Variants in SAR1B observed in about 807,000 individuals in gnomAD.
The protein encoded by SAR1B is small COPII coat GTPase SAR1B.
SAR1B carries 23 observed loss-of-function variants against 26.8 expected under a neutral mutation model. That is an observed-to-expected ratio of 0.86 (90% CI 0.62 to 1.22). SAR1B has a LOEUF of 1.22. Among genes scored for constraint, SAR1B ranks in the 50% most tolerant of loss-of-function variants. The pLI is 0.00. For missense variants in SAR1B, 196 were observed against 232.8 expected, an observed-to-expected ratio of 0.84 and a Z score of 1.03; for synonymous variants, 65 against 80.8, an observed-to-expected ratio of 0.80 and a Z score of 1.05.
At chr5:134,627,255 G>T (rs1046823712) in intron 1 of SAR1B, among the ~76,000 whole-genome samples, 1 of 151,760 alleles carries the variant, frequency 6.6e-6, no homozygotes, top group Non-Finnish European at 1.5e-5. Flanking sequence ...GTTTCACCAT[G>T]TTAGCCAGGA....
At position 134,609,733 on chromosome 5, in the gene SAR1B, A is replaced by T. The variant is rs190187723; in HGVS notation, c.245-59T>A. Reference sequence around the variant, plus strand: ...GTTGGTCAAACCCAGCAGATGGTTTAAGCAAAGAGTCCAACCAGATATCAA... The same window carrying T: ...GTTGGTCAAACCCAGCAGATGGTTTTAGCAAAGAGTCCAACCAGATATCAA... On this transcript the variant is annotated intron_variant, in intron 4 of 6. Coordinates refer to ENST00000402673, the MANE Select transcript of SAR1B (RefSeq NM_016103.4). 3.1e-4 allele frequency: 412 copies of T among 1,310,160 alleles called. 2 individuals carry two copies. In the African/African-American group the frequency reaches 4.5e-3, roughly 14 times the overall value. The allele number at this position is 1,310,160 out of a possible 1,614,324, so 81.2% of individuals were successfully genotyped here. A position where few individuals can be genotyped will look rare whatever the true frequency, so the allele number is the denominator to read the frequency against.
At chr5:134,623,501 AATT>A (rs1765447543) in intron 2 of SAR1B, among the ~76,000 whole-genome samples, 1 of 40,890 alleles carries the variant, frequency 2.4e-5, no homozygotes, top group South Asian at 1.6e-3. Flanking sequence ...GTCTCTATAA[AATT>A]AAAAAAAAAA....
chr5:134,608,417 C>A lies in SAR1B; in HGVS notation c.435G>T (p.Glu145Asp). 1 of 1,606,310 alleles carries A rather than the reference C, an allele frequency of 6.2e-7. No individual in the cohort carries two copies. Among genetic ancestry groups the A allele is most frequent in the South Asian group, 1.1e-5 (1 of 90,240 alleles). ...KIDRPEAISE[E>D]RLREMFGLYG... ...ATAAACCAAACATCTCTCGCAACCT[C>A]TCTTCACTGATGGCTTCAGGTCTGT... The change falls in exon 6 of 7, where the codon GAG becomes GAT. Residue 145 changes from glutamate (E) to aspartate (D), a missense_variant. Coordinates refer to ENST00000402673, the MANE Select transcript of SAR1B (RefSeq NM_016103.4).
At chr5:134,632,508 G>GCAGCAGTGTTCTGCCTC (rs1319238497) in intron 1 of SAR1B, among the ~76,000 whole-genome samples, 5 of 152,222 alleles carry the variant, frequency 3.3e-5, no homozygotes, top group African/African-American at 1.2e-4. Flanking sequence ...GCGTCTGACA[G>GCAGCAGTGTTCTGCCTC]CAGCAGTGTT....
chr5:134,613,059 T>G (rs998590549), intron 3 of SAR1B: 117 of 373,884 alleles, frequency 3.1e-4, no homozygotes, highest in Non-Finnish European at 5.1e-4. Context: ...CTCTTCCTTA[T>G]TTGAAGGTGT....
In SAR1B at chr5:134,612,680, A is replaced by AAAAAATT; in HGVS notation, c.244+10_244+11insAATTTTT. On this transcript the variant is annotated intron_variant, in intron 4 of 6. Transcript: ENST00000402673. ...AAAAAAAAAAAAAAAAAAAAAAAAA[A>AAAAAATT]AGAATCTTACCTTGAACATGTCCAC... is the stretch of plus-strand genomic sequence containing the variant. The AAAAAATT allele has an allele frequency of 9.6e-7, 1 of 1,043,430 alleles. No homozygotes were observed. Among genetic ancestry groups the AAAAAATT allele is most frequent in the Non-Finnish European group, 1.3e-6 (1 of 760,634 alleles). 64.6% of individuals were successfully genotyped at this position (1,043,430 alleles called of 1,614,324 possible).
intron 3 of SAR1B, among the ~76,000 whole-genome samples, chr5:134,615,141 G>A (rs530959991): frequency 2.0e-5 from 3 of 152,150 alleles, no homozygotes; most frequent in Admixed American, 1.3e-4. Flanking sequence ...GAGGTCAGGA[G>A]ATCGAGACCA....
At chr5:134,615,176 G>A (rs762011645) in intron 3 of SAR1B, among the ~76,000 whole-genome samples, 22 of 151,782 alleles carry the variant, frequency 1.4e-4, no homozygotes, top group Non-Finnish European at 2.5e-4. Flanking sequence ...GTGAAACCCC[G>A]TCTCTACTAA....
rs1765033613 is a variant in SAR1B, at chr5:134,601,535, A to G, written c.*5415T>C. 2 of 152,214 alleles carry G rather than the reference A, an allele frequency of 1.3e-5. No homozygotes were observed. The highest frequency in any genetic ancestry group is 1.3e-4 in the Admixed American group (2 of 15,276). 9.4% of individuals were successfully genotyped at this position (152,214 alleles called of 1,614,324 possible). On this transcript the variant is annotated 3_prime_UTR_variant, in exon 7 of 7. Transcript: ENST00000402673. Reference sequence around the variant, plus strand: ...TTATCACTTTTAAAGTAACTTGACTATGTTCACCCTGAGTGCTCTTGCCTC... The same window carrying G: ...TTATCACTTTTAAAGTAACTTGACTGTGTTCACCCTGAGTGCTCTTGCCTC...
intron 6 of SAR1B, among the ~76,000 whole-genome samples, chr5:134,607,548 G>T (rs1251216389): frequency 6.6e-6 from 1 of 151,820 alleles, no homozygotes; most frequent in East Asian, 1.9e-4. Flanking sequence ...CAAGGCGGGC[G>T]GATCACCTGA....
intron 3 of SAR1B, among the ~76,000 whole-genome samples, chr5:134,619,296 T>C (rs951254096): frequency 2.2e-5 from 3 of 137,414 alleles, no homozygotes; most frequent in Non-Finnish European, 4.8e-5. Context: ...GTGCCATTGC[T>C]CTCCAGCGTG....
intron 1 of SAR1B, among the ~76,000 whole-genome samples, chr5:134,627,035 A>G (rs1458730965): frequency 6.6e-6 from 1 of 152,150 alleles, no homozygotes; most frequent in Non-Finnish European, 1.5e-5. Context: ...ACTGATTTAC[A>G]TGAGTAATTA....
chr5:134,628,614 A>T (rs1329522111), intron 1 of SAR1B, among the ~76,000 whole-genome samples: 2 of 152,000 alleles, frequency 1.3e-5, no homozygotes, highest in Non-Finnish European at 2.9e-5. Context: ...CCAGGAGTTA[A>T]AGACCAGCCT....
intron 3 of SAR1B, among the ~76,000 whole-genome samples, chr5:134,620,257 G>T (rs1221121963): frequency 6.6e-6 from 1 of 151,864 alleles, no homozygotes; most frequent in Non-Finnish European, 1.5e-5. Flanking sequence ...AGTGAGCGGA[G>T]GTCGTGCCAC....
At chr5:134,627,331 G>A (rs1021633269) in intron 1 of SAR1B, among the ~76,000 whole-genome samples, 24 of 151,040 alleles carry the variant, frequency 1.6e-4, no homozygotes, top group African/African-American at 5.8e-4. Flanking sequence ...GATTACAGGC[G>A]TGAGCCACCG....
In SAR1B at chr5:134,612,641, TAAAAAAAAAAAAA is replaced by T. The variant is rs34365859; in HGVS notation, c.244+37_244+49del. ...GCCTGGGAGACAGAGTGAGCCTGTC[TAAAAAAAAAAAAA>T]AAAAAAAAAAAAAAAAAAAAAAAAA... On this transcript the variant is annotated intron_variant, in intron 4 of 6. Coordinates refer to ENST00000402673, the MANE Select transcript of SAR1B (RefSeq NM_016103.4). The T allele has an allele frequency of 6.9e-3, 5,298 of 766,048 alleles. 61 individuals carry two copies. The highest frequency in any genetic ancestry group is 0.01 in the Admixed American group (165 of 15,948). The allele number at this position is 766,048 out of a possible 1,614,324, so 47.5% of individuals were successfully genotyped here.
intron 5 of SAR1B, chr5:134,609,004 G>A (rs1279775580): frequency 4.6e-6 from 2 of 437,430 alleles, no homozygotes; most frequent in East Asian, 1.4e-4. Flanking sequence ...ACAAGTATTT[G>A]TTTGCCTGCT....
At position 134,620,978 on chromosome 5, in the gene SAR1B, G is replaced by A. The variant is rs11558540; in HGVS notation, c.133C>T (p.Leu45=). The change falls in exon 3 of 7, where the codon CTA becomes TTA. Residue 45 remains leucine (L), a synonymous_variant. Transcript: ENST00000402673. ...NAGKTTLLHM[L]KDDRLGQHVP... ...TGTTGTCCAAGTCTGTCATCTTTTA[G>A]CATGTGTAGCAATGTTGTTTTTCCT... 0.13 allele frequency: 212,289 copies of A among 1,612,218 alleles called. 17,527 individuals carry two copies. Among genetic ancestry groups the A allele is most frequent in the South Asian group, 0.32 (29,277 of 91,022 alleles).
At chr5:134,628,244 T>C (rs1561790359) in intron 1 of SAR1B, among the ~76,000 whole-genome samples, 1 of 151,470 alleles carries the variant, frequency 6.6e-6, no homozygotes. Flanking sequence ...CCAGATGTGA[T>C]AGCATGCACT....
Sources: allele counts gnomAD v4.1 joint callset (sites outside exome capture counted in the v4.1 genomes callset), GRCh38; gene constraint gnomAD v4.1.1; transcripts MANE v1.5; gene names NCBI Gene and HGNC (gene_info 2026-07-23, HGNC 2026-07-21).